The following ELP4 variants were observed in gnomAD, a reference collection of about 807,000 sequenced individuals.
ELP4 encodes elongator acetyltransferase complex subunit 4.
Under a neutral mutation model 48.9 loss-of-function variants are expected in ELP4, and 51 were observed. That is an observed-to-expected ratio of 1.04 (90% CI 0.83 to 1.32). The LOEUF is 1.32. ELP4 is among the 40% of genes most tolerant of loss of function. ELP4 has a pLI of 0.00. For missense variants in ELP4, 519 were observed against 514.6 expected, an observed-to-expected ratio of 1.01 and a Z score of -0.08; for synonymous variants, 210 against 189.2, an observed-to-expected ratio of 1.11 and a Z score of -0.90.
intron 9 of ELP4, among the ~76,000 whole-genome samples, chr11:31,693,734 C>T (rs1946333375): frequency 6.6e-6 from 1 of 152,132 alleles, no homozygotes; most frequent in Non-Finnish European, 1.5e-5. Context: ...GAGGAGTTGC[C>T]ACACTGTCTT....
chr11:31,656,750 G>C (rs1029945491), intron 9 of ELP4, among the ~76,000 whole-genome samples: 5 of 151,984 alleles, frequency 3.3e-5, no homozygotes, highest in African/African-American at 1.2e-4. Context: ...CCTCAGCATT[G>C]TCTAAATATG....
At chr11:31,709,447 G>T (rs570884502) in intron 9 of ELP4, among the ~76,000 whole-genome samples, 1 of 152,242 alleles carries the variant, frequency 6.6e-6, no homozygotes, top group Admixed American at 6.5e-5. Flanking sequence ...TCAGGGAATT[G>T]TTAAGTATGT....
chr11:31,555,229 G>T (rs1466210984), intron 3 of ELP4, among the ~76,000 whole-genome samples: 2 of 152,042 alleles, frequency 1.3e-5, no homozygotes, highest in African/African-American at 4.8e-5. Flanking sequence ...TATGCAAGGG[G>T]TATAGGATTG....
rs1294464443 is a variant in ELP4 at position 31,632,488 on chromosome 11, AC to A, written c.927+84del. On this transcript the variant is annotated intron_variant, in intron 7 of 9. Transcript: ENST00000640961. ...GGTTTTAGTTTGCATTTCCATGATA[AC>A]TAATGATGTTGACCATCTTTTCAGG... The A allele has an allele frequency of 6.3e-6, 7 of 1,117,866 alleles. No individual in the cohort carries two copies. The Admixed American group carries it at 1.3e-4, about 20-fold the overall frequency. The allele number at this position is 1,117,866 out of a possible 1,614,324, so 69.2% of individuals were successfully genotyped here.
intron 9 of ELP4, chr11:31,706,951 T>G (rs901316949): frequency 1.0e-5 from 4 of 398,192 alleles, no homozygotes; most frequent in African/African-American, 2.1e-5. Context: ...CCATTGTGTA[T>G]GTATACACCA....
chr11:31,647,927 A>C, intron 8 of ELP4, 78 bp downstream of exon 8: 2 of 787,902 alleles, frequency 2.5e-6, no homozygotes, highest in Non-Finnish European at 4.5e-6. Context: ...TTCAATCCAA[A>C]TATCTACTGT....
chr11:31,601,657 G>C (rs990777879), intron 4 of ELP4, among the ~76,000 whole-genome samples: 3 of 152,122 alleles, frequency 2.0e-5, no homozygotes, highest in African/African-American at 7.2e-5. Context: ...ATTTCTCTGA[G>C]TGCATAGGAC....
intron 9 of ELP4, among the ~76,000 whole-genome samples, chr11:31,728,432 G>A (rs1592258551): frequency 2.0e-5 from 3 of 152,256 alleles, no homozygotes; most frequent in Admixed American, 2.0e-4. Context: ...GAAAGCTTCT[G>A]TGTACCTAGT....
intron 9 of ELP4, chr11:31,651,284 A>AGG (rs1195774963): frequency 4.0e-5 from 6 of 151,714 alleles, no homozygotes; most frequent in Non-Finnish European, 8.8e-5. Flanking sequence ...GGCCCTATCC[A>AGG]GTGACAAATT....
intron 2 of ELP4, among the ~76,000 whole-genome samples, chr11:31,535,439 G>T (rs917959310): frequency 6.6e-6 from 1 of 152,158 alleles, no homozygotes; most frequent in Admixed American, 6.5e-5. Flanking sequence ...AGCTCTTGGG[G>T]CCAAGGGATC....
At chr11:31,671,732 A>T (rs1317028871) in intron 9 of ELP4, among the ~76,000 whole-genome samples, 1 of 152,200 alleles carries the variant, frequency 6.6e-6, no homozygotes. Flanking sequence ...AACAACCTTT[A>T]TAATGGCACA....
At chr11:31,701,966 CG>C (rs1946532676) in intron 9 of ELP4, among the ~76,000 whole-genome samples, 1 of 151,974 alleles carries the variant, frequency 6.6e-6, no homozygotes. Flanking sequence ...AGCCACAGTA[CG>C]AAGCGAATAA....
intron 9 of ELP4, chr11:31,663,433 TTTA>T (rs1945604076): frequency 6.6e-6 from 1 of 152,032 alleles, no homozygotes; most frequent in African/African-American, 2.4e-5. Flanking sequence ...TATTGAGTTT[TTTA>T]TTATAATCTA....
intron 1 of ELP4, among the ~76,000 whole-genome samples, chr11:31,515,080 TAAAAC>T (rs992226564): frequency 3.4e-5 from 5 of 149,014 alleles, no homozygotes; most frequent in Admixed American, 6.7e-5. Flanking sequence ...TTATTCCTCT[TAAAAC>T]ACATAGAGTA....
intron 3 of ELP4, among the ~76,000 whole-genome samples, chr11:31,568,477 C>G (rs1384334675): frequency 6.6e-6 from 1 of 152,096 alleles, no homozygotes; most frequent in Admixed American, 6.6e-5. Context: ...CCAAAGCAAT[C>G]CTAAGCAAAA....
intron 5 of ELP4, among the ~76,000 whole-genome samples, chr11:31,622,537 T>A (rs1352443236): frequency 6.6e-6 from 1 of 151,728 alleles, no homozygotes; most frequent in Admixed American, 6.6e-5. Flanking sequence ...TAATACTACA[T>A]CTGATTCTTT....
chr11:31,665,726 C>T (rs559976384), intron 9 of ELP4, among the ~76,000 whole-genome samples: 1 of 133,952 alleles, frequency 7.5e-6, no homozygotes, highest in South Asian at 2.4e-4. Context: ...GCAATCATGG[C>T]TCACTGTAGC....
At chr11:31,664,945 C>T (rs1285605025) in intron 9 of ELP4, among the ~76,000 whole-genome samples, 1 of 152,076 alleles carries the variant, frequency 6.6e-6, no homozygotes, top group Non-Finnish European at 1.5e-5. Flanking sequence ...AAAGTATTTC[C>T]AAGCTGTAGT....
intron 9 of ELP4, chr11:31,715,166 GAA>G (rs1946819616): frequency 1.1e-5 from 2 of 175,150 alleles, no homozygotes; most frequent in South Asian, 2.0e-4. Context: ...TTGAGAAAAA[GAA>G]GAGAAATTAG....
Sources: gnomAD v4.1 joint callset for allele counts (sites outside exome capture counted in the v4.1 genomes callset) on GRCh38, gnomAD v4.1.1 for gene constraint, MANE v1.5 for transcripts, NCBI Gene and HGNC (gene_info 2026-07-23, HGNC 2026-07-21) for gene names.